TECRL: variants seen among roughly 807,000 people sequenced by gnomAD.
TECRL encodes trans-2,3-enoyl-CoA reductase like.
Under a neutral mutation model 52.8 loss-of-function variants are expected in TECRL, and 63 were observed. That is an observed-to-expected ratio of 1.19 (90% confidence interval 0.97 to 1.47). The LOEUF is 1.47. Among genes scored for constraint, TECRL ranks in the 40% most tolerant of loss-of-function variants. The pLI, the probability that TECRL is intolerant of heterozygous loss-of-function variation, is 0.00. For synonymous variants in TECRL, 164 were observed against 141.9 expected (o/e 1.16, Z -1.10); for missense variants, 482 against 429.6 (o/e 1.12, Z -1.08).
intron 2 of TECRL, among the ~76,000 whole-genome samples, chr4:64,352,321 C>T (rs1720455998): frequency 6.6e-6 from 1 of 152,078 alleles, no homozygotes; most frequent in South Asian, 2.1e-4. Flanking sequence ...TGAACAGAGT[C>T]TTGAGTCATC....
At chr4:64,402,779 A>G (rs989656225) in intron 1 of TECRL, among the ~76,000 whole-genome samples, 2 of 152,152 alleles carry the variant, frequency 1.3e-5, no homozygotes, top group Non-Finnish European at 2.9e-5. Flanking sequence ...ATAAAGTTGA[A>G]AAATGAAGGG....
At chr4:64,371,762 A>G (rs1464858932) in intron 2 of TECRL, among the ~76,000 whole-genome samples, 2 of 151,770 alleles carry the variant, frequency 1.3e-5, no homozygotes. Flanking sequence ...GTTTCTACTT[A>G]CATCTATATC....
rs747269622 is a variant in TECRL, at chr4:64,280,026, T to C, written c.*46A>G. On this transcript the variant is annotated 3_prime_UTR_variant, in exon 12 of 12. Transcript: ENST00000381210. The stretch of plus-strand genomic sequence containing the variant: ...ACTATCCTTAACTAAGTCTTATTTA[T>C]TGAATTTATATGTTGCTGTTTTCTA... 3.9e-6 allele frequency: 6 copies of C among 1,548,094 alleles called. No individual in the cohort carries two copies. The Admixed American group carries it at 6.1e-5, about 16-fold the overall frequency.
At chr4:64,336,977 A>G (rs530608734) in intron 2 of TECRL, among the ~76,000 whole-genome samples, 2 of 152,274 alleles carry the variant, frequency 1.3e-5, no homozygotes, top group African/African-American at 4.8e-5. Context: ...AGAAGAATGT[A>G]TATTCTGTTG....
rs1405162122 is a variant in TECRL at position 64,279,451 on chromosome 4, T to C, written c.*621A>G. 2 of 152,216 alleles carry C rather than the reference T, an allele frequency of 1.3e-5. No individual in the cohort carries two copies. The highest frequency in any genetic ancestry group is 2.9e-5 in the Non-Finnish European group (2 of 68,098). 9.4% of individuals were successfully genotyped at this position (152,216 alleles called of 1,614,324 possible). A position where few individuals can be genotyped will look rare whatever the true frequency, so the allele number is the denominator to read the frequency against. On this transcript the variant is annotated 3_prime_UTR_variant, in exon 12 of 12. Coordinates refer to ENST00000381210, the MANE Select transcript of TECRL (RefSeq NM_001010874.5). ...TTTTTGTAGAGACAGAGTCTCAATA[T>C]GCTTTTTAGAGACAGAGTCTCAATA...
intron 2 of TECRL, among the ~76,000 whole-genome samples, chr4:64,366,080 C>T (rs1721579254): frequency 6.6e-6 from 1 of 151,956 alleles, no homozygotes. Context: ...AAAAAAGCCA[C>T]ACAAATACAA....
chr4:64,404,569 A>C (rs572155603), intron 1 of TECRL, among the ~76,000 whole-genome samples: 1 of 152,230 alleles, frequency 6.6e-6, no homozygotes, highest in African/African-American at 2.4e-5. Flanking sequence ...ATCCATGATT[A>C]GTTATTTTAA....
At chr4:64,277,023 T>G, downstream of TECRL, 1 of 1,497,640 alleles carries the variant, frequency 6.7e-7, no homozygotes, top group African/African-American at 1.4e-5. Context: ...TCAGGCTTTT[T>G]CTTTTGATGT....
chr4:64,281,488 T>G lies in TECRL; in HGVS notation c.904A>C (p.Asn302His), dbSNP rs968413359. The stretch of plus-strand genomic sequence containing the variant: ...AAATAACATACCTCATAGGTGTAGT[T>G]AGGACATGAAACCAGGAAAAACATC... ...TWMFFLVSCP[N>H]YTYEIGSWIS... Residue 302 changes from asparagine (N) to histidine (H), a missense_variant, in exon 10 of 12, where the codon AAC (asparagine) becomes CAC (histidine). By Grantham distance (68) the Asn-to-His change is moderately conservative. Transcript: ENST00000381210. 6.3e-7 allele frequency: 1 copy of G among 1,598,976 alleles called. No homozygotes were observed. The highest frequency in any genetic ancestry group is 8.6e-7 in the Non-Finnish European group (1 of 1,169,072).
intron 11 of TECRL, 68 bp from the exon 12 acceptor site, chr4:64,280,267 T>A: frequency 8.4e-7 from 1 of 1,184,488 alleles, no homozygotes; most frequent in Non-Finnish European, 1.1e-6. Context: ...AGGAAAAGGA[T>A]CCCTAGCATG....
intron 2 of TECRL, among the ~76,000 whole-genome samples, chr4:64,338,997 G>A (rs917660297): frequency 4.0e-5 from 6 of 151,888 alleles, no homozygotes; most frequent in African/African-American, 1.2e-4. Context: ...TGTTTATTGC[G>A]GCACTAGTCA....
Position 64,328,531 on chromosome 4 carries a change from A to C in TECRL, c.312T>G (p.Val104=). 6.2e-7 allele frequency: 1 copy of C among 1,611,878 alleles called. No individual in the cohort carries two copies. Among genetic ancestry groups the C allele is most frequent in the Non-Finnish European group, 8.5e-7 (1 of 1,178,498 alleles). The part of the protein sequence containing the change: ...KACPKWYPSR[V]GLQLECGGPF... ...TCTTACCACATTCTAGCTGCAGACCAACTCGAGAAGGGTACCACTTTGGAC... is the reference window on the plus strand; with the variant it reads ...TCTTACCACATTCTAGCTGCAGACCCACTCGAGAAGGGTACCACTTTGGAC... The change falls in exon 3 of 12, where the codon GTT becomes GTG. Residue 104 remains valine, a synonymous_variant. Transcript: ENST00000381210.
rs148333021 is a variant in TECRL, at chr4:64,284,819, A to G, written c.833-3260T>C. On this transcript the variant is annotated intron_variant, in intron 9 of 11. Transcript: ENST00000381210. The stretch of plus-strand genomic sequence containing the variant: ...GATGAATAGTTAAGAGACTTGAGAC[A>G]GCTGGTGCAATGTCAGATCTACTAT... Among the ~76,000 whole-genome samples the G allele has an allele frequency of 1.5e-3, 230 of 152,258 alleles. 1 individual carries two copies. Among genetic ancestry groups the G allele is most frequent in the African/African-American group, 5.3e-3 (219 of 41,574 alleles).
At position 64,322,771 on chromosome 4, in the gene TECRL, T is replaced by C. The variant is rs552039384; in HGVS notation, c.353A>G (p.Tyr118Cys). The change falls in exon 4 of 12, where the codon TAC becomes TGC. Residue 118 changes from tyrosine to cysteine, a missense_variant. Physicochemically the swap from Tyr to Cys is radical, Grantham distance 194 (BLOSUM62 -2). Transcript: ENST00000381210. ...AGCTGCAATACTTTGAATGGTAATG[T>C]AGTCCTTCAAAAAAGGCCCGCCTAA... ...LECGGPFLKD[Y>C]ITIQSIAASS... 104 of 1,607,104 alleles carry C rather than the reference T, an allele frequency of 6.5e-5. No homozygotes were observed. In the South Asian group the frequency reaches 1.1e-3, roughly 17 times the overall value.
At chr4:64,390,290 G>A (rs1394431872) in intron 1 of TECRL, among the ~76,000 whole-genome samples, 2 of 151,928 alleles carry the variant, frequency 1.3e-5, no homozygotes, top group African/African-American at 2.4e-5. Context: ...GGTTATAAAT[G>A]TTCAAATCGC....
intron 2 of TECRL, among the ~76,000 whole-genome samples, chr4:64,334,047 A>AAAAAAAAAAAAAAAAAAAAAG (rs1718865749): frequency 8.3e-6 from 1 of 120,080 alleles, no homozygotes; most frequent in Non-Finnish European, 1.7e-5. Context: ...AAAAAAAAAA[A>AAAAAAAAAAAAAAAAAAAAAG]AAGAAAAAGA....
chr4:64,350,288 T>A (rs1720291789), intron 2 of TECRL, among the ~76,000 whole-genome samples: 1 of 152,216 alleles, frequency 6.6e-6, no homozygotes, highest in African/African-American at 2.4e-5. Flanking sequence ...CTTACAATGT[T>A]GTTGTCATTG....
intron 1 of TECRL, among the ~76,000 whole-genome samples, chr4:64,384,754 T>C (rs534534593): frequency 2.2e-4 from 34 of 152,208 alleles, no homozygotes; most frequent in African/African-American, 7.0e-4. Context: ...GGACATTGTA[T>C]AGGGCCCTGA....
chr4:64,401,454 T>G (rs1453603060), intron 1 of TECRL, among the ~76,000 whole-genome samples: 1 of 152,222 alleles, frequency 6.6e-6, no homozygotes, highest in Non-Finnish European at 1.5e-5. Flanking sequence ...TCCTTTCAAG[T>G]GCCATCTTCA....
Sources: gnomAD v4.1 joint callset for allele counts (sites outside exome capture counted in the v4.1 genomes callset) on GRCh38, gnomAD v4.1.1 for gene constraint, MANE v1.5 for transcripts, NCBI Gene and HGNC (gene_info 2026-07-23, HGNC 2026-07-21) for gene names.